LRBA: variants seen among roughly 807,000 people sequenced by gnomAD.
LRBA encodes LPS responsive beige-like anchor protein.
Under a neutral mutation model 330.0 loss-of-function variants are expected in LRBA, and 176 were observed. That is an observed-to-expected ratio of 0.53 (90% CI 0.47 to 0.60). The LOEUF (loss-of-function observed/expected upper bound fraction) is 0.60, where lower values mean the gene tolerates loss of function less well. LRBA is among the 20% of genes least tolerant of loss of function. The pLI is 0.00. For missense variants in LRBA, 3,259 were observed against 3,444.8 expected (o/e 0.95, Z 1.35); for synonymous variants, 1,230 against 1,193.0 (o/e 1.03, Z -0.64).
intron 40 of LRBA, among the ~76,000 whole-genome samples, chr4:150,523,594 A>G (rs973692152): frequency 6.6e-6 from 1 of 152,164 alleles, no homozygotes; most frequent in Non-Finnish European, 1.5e-5. Context: ...GACATATCCT[A>G]TGAGGAATTA....
At chr4:150,433,269 T>A (rs1750672856) in intron 46 of LRBA, among the ~76,000 whole-genome samples, 1 of 151,996 alleles carries the variant, frequency 6.6e-6, no homozygotes, top group South Asian at 2.1e-4. Flanking sequence ...TCTTTTTTAT[T>A]TTTTTTACAG....
intron 35 of LRBA, 52 bp from the exon 36 acceptor site, chr4:150,735,418 A>T (rs748272578): frequency 1.7e-6 from 2 of 1,181,338 alleles, no homozygotes. Context: ...ACACAACATA[A>T]ATGATTATTC....
chr4:150,514,067 GTTGTT>G (rs1210802692), intron 40 of LRBA, among the ~76,000 whole-genome samples: 3 of 152,016 alleles, frequency 2.0e-5, no homozygotes, highest in Non-Finnish European at 4.4e-5. Context: ...TTTTTTTGTT[GTTGTT>G]TTGTTTTGTT....
intron 44 of LRBA, among the ~76,000 whole-genome samples, chr4:150,455,995 C>A (rs1754012035): frequency 6.6e-6 from 1 of 152,150 alleles, no homozygotes; most frequent in Non-Finnish European, 1.5e-5. Context: ...TTGCAAATAA[C>A]AGTATCTCAT....
rs1163161493 is a variant in LRBA, at chr4:150,871,340, C to A, written c.2367+5G>T. On this transcript the variant is annotated splice_donor_5th_base_variant and intron_variant, in intron 19 of 56. Coordinates refer to ENST00000651943, the MANE Select transcript of LRBA (RefSeq NM_001364905.1). The stretch of plus-strand genomic sequence containing the variant: ...TAGAGGAGTAAATCCTAAGTACATT[C>A]CTACCTCAAACAGCACATTATATGT... 3 of 1,544,718 alleles carry A rather than the reference C, an allele frequency of 1.9e-6. No homozygotes were observed. The highest frequency in any genetic ancestry group is 2.7e-6 in the Non-Finnish European group (3 of 1,120,066).
intron 2 of LRBA, among the ~76,000 whole-genome samples, chr4:150,952,471 T>G (rs528822924): frequency 6.6e-6 from 1 of 152,296 alleles, no homozygotes; most frequent in East Asian, 1.9e-4. Flanking sequence ...CATACTTTTT[T>G]AAATGAGCAT....
chr4:150,665,145 A>G (rs1781457096), intron 37 of LRBA, among the ~76,000 whole-genome samples: 1 of 152,166 alleles, frequency 6.6e-6, no homozygotes, highest in Admixed American at 6.5e-5. Flanking sequence ...TAATTCCTCC[A>G]GGAATTTCAC....
chr4:150,338,006 T>C (rs992621083), intron 48 of LRBA, among the ~76,000 whole-genome samples: 1 of 152,204 alleles, frequency 6.6e-6, no homozygotes, highest in African/African-American at 2.4e-5. Flanking sequence ...TTGGATAAGA[T>C]ATCTGATTTG....
chr4:150,529,733 G>GAA (rs33920009), intron 40 of LRBA, among the ~76,000 whole-genome samples: 18 of 145,544 alleles, frequency 1.2e-4, no homozygotes, highest in East Asian at 8.0e-4. Flanking sequence ...AAAAAAAAAA[G>GAA]AAAAAAAAAA....
intron 22 of LRBA, among the ~76,000 whole-genome samples, chr4:150,856,671 C>T (rs1010291112): frequency 1.3e-5 from 2 of 152,146 alleles, no homozygotes; most frequent in Non-Finnish European, 2.9e-5. Flanking sequence ...AATTGAACAA[C>T]TATCAGTATT....
intron 36 of LRBA, among the ~76,000 whole-genome samples, chr4:150,712,290 T>C (rs892067983): frequency 3.9e-5 from 6 of 152,202 alleles, no homozygotes; most frequent in African/African-American, 1.4e-4. Context: ...TTAATGTTAT[T>C]AGTATCCCCA....
intron 47 of LRBA, among the ~76,000 whole-genome samples, chr4:150,402,860 C>CA (rs1218809848): frequency 6.6e-6 from 1 of 151,562 alleles, no homozygotes; most frequent in African/African-American, 2.4e-5. Flanking sequence ...AACCGGACCA[C>CA]AAAAAACTAA....
chr4:150,613,781 T>G (rs1775498420), intron 37 of LRBA, among the ~76,000 whole-genome samples: 1 of 152,232 alleles, frequency 6.6e-6, no homozygotes, highest in African/African-American at 2.4e-5. Flanking sequence ...GTTATGCTCT[T>G]TGCACATTTA....
At chr4:150,559,086 C>T (rs1232311106) in intron 40 of LRBA, among the ~76,000 whole-genome samples, 1 of 152,030 alleles carries the variant, frequency 6.6e-6, no homozygotes, top group Non-Finnish European at 1.5e-5. Context: ...AGACGTATAA[C>T]CTGAATCCAA....
Position 150,868,191 on chromosome 4 carries a change from T to C in LRBA, c.2564A>G (p.Glu855Gly), listed in dbSNP as rs1218661905. The C allele has an allele frequency of 2.5e-6, 4 of 1,611,434 alleles. No individual in the cohort carries two copies. Among genetic ancestry groups the C allele is most frequent in the Non-Finnish European group, 3.4e-6 (4 of 1,178,592 alleles). ...TTCTGATTCAGCTTACCTCCTGTTT[T>C]CTCTACTGTTATTAAAAAGTTTAAT... is the stretch of plus-strand genomic sequence containing the variant. ...DMIKLFNNSR[E>G]NRRSLLQCSV... is the part of the protein sequence containing the mutation. Residue 855 changes from glutamate (E) to glycine (G), a missense_variant, in exon 21 of 57, where the codon GAA (glutamate) becomes GGA (glycine). Physicochemically the swap from Glu to Gly is moderately conservative, Grantham distance 98. Coordinates refer to ENST00000651943, the MANE Select transcript of LRBA (RefSeq NM_001364905.1).
chr4:150,994,734 G>A (rs1002960829), intron 2 of LRBA, among the ~76,000 whole-genome samples: 4 of 152,188 alleles, frequency 2.6e-5, no homozygotes, highest in African/African-American at 9.7e-5. Context: ...AGAACTGGGG[G>A]AAGAAATCAG....
chr4:150,970,562 C>CGTGTGTGT (rs1561074281), intron 2 of LRBA: 21 of 109,478 alleles, frequency 1.9e-4, no homozygotes, highest in African/African-American at 8.6e-4. Context: ...TGTGTACACA[C>CGTGTGTGT]ACACACACAC....
intron 40 of LRBA, among the ~76,000 whole-genome samples, chr4:150,492,656 A>G (rs763189546): frequency 5.9e-5 from 9 of 152,126 alleles, no homozygotes; most frequent in Non-Finnish European, 1.3e-4. Context: ...TCATTCCTAT[A>G]TTTAATAGTA....
chr4:150,926,343 T>G (rs1181232284), intron 4 of LRBA, among the ~76,000 whole-genome samples: 1 of 152,066 alleles, frequency 6.6e-6, no homozygotes, highest in Non-Finnish European at 1.5e-5. Context: ...GACTTGAGAG[T>G]TATTCAATAG....
Sources: gnomAD v4.1 joint callset for allele counts (sites outside exome capture counted in the v4.1 genomes callset) on GRCh38, gnomAD v4.1.1 for gene constraint, MANE v1.5 for transcripts, NCBI Gene and HGNC (gene_info 2026-07-23, HGNC 2026-07-21) for gene names.